Variants in CECR2 observed in about 807,000 individuals in gnomAD.
The protein encoded by CECR2 is CECR2 histone acetyl-lysine reader.
Under a neutral mutation model 154.5 loss-of-function variants are expected in CECR2, and 30 were observed. That is an observed-to-expected ratio of 0.19 (90% CI 0.15 to 0.26). The LOEUF is 0.26. Ranked by LOEUF, CECR2 falls within the 10% of genes least tolerant of loss-of-function variation. CECR2 has a pLI of 1.00. For synonymous variants in CECR2, 725 were observed against 683.7 expected, an observed-to-expected ratio of 1.06 and a Z score of -0.94; for missense variants, 1,743 against 1,829.3, an observed-to-expected ratio of 0.95 and a Z score of 0.86.
chr22:17,463,756 G>C (rs564606547), intron 1 of CECR2, among the ~76,000 whole-genome samples: 83 of 151,982 alleles, frequency 5.5e-4, no homozygotes, highest in African/African-American at 2.0e-3. Flanking sequence ...GAGGTGGGGG[G>C]GTGTAATGAG....
intron 1 of CECR2, among the ~76,000 whole-genome samples, chr22:17,422,518 C>G (rs923659995): frequency 6.6e-6 from 1 of 152,114 alleles, no homozygotes; most frequent in Non-Finnish European, 1.5e-5. Flanking sequence ...ATTTATTGTG[C>G]TTGGTGTTCT....
chr22:17,445,109 A>T (rs2054639418), intron 1 of CECR2, among the ~76,000 whole-genome samples: 1 of 152,224 alleles, frequency 6.6e-6, no homozygotes, highest in Admixed American at 6.5e-5. Context: ...TGGATTTGTT[A>T]GACTATTCAT....
At chr22:17,362,295 C>T (rs545271786) in intron 1 of CECR2, among the ~76,000 whole-genome samples, 36 of 152,242 alleles carry the variant, frequency 2.4e-4, no homozygotes, top group African/African-American at 5.5e-4. Flanking sequence ...CCACCTGCCT[C>T]GGCCTCCGAA....
At chr22:17,505,835 CTTTTTTTT>C (rs3994825) in intron 7 of CECR2, among the ~76,000 whole-genome samples, 1 of 84,552 alleles carries the variant, frequency 1.2e-5, no homozygotes, top group Non-Finnish European at 2.1e-5. Flanking sequence ...CTGCACCCGG[CTTTTTTTT>C]TTTTTTTTTT....
intron 1 of CECR2, among the ~76,000 whole-genome samples, chr22:17,405,945 G>A (rs2053977861): frequency 6.6e-6 from 1 of 152,166 alleles, no homozygotes; most frequent in Admixed American, 6.5e-5. Context: ...TAGAGAAAAA[G>A]CATTCAGGTC....
In CECR2 at chr22:17,549,704, C is replaced by T. The variant is rs146101594; in HGVS notation, c.4277+140C>T. The T allele has an allele frequency of 6.7e-4, 479 of 711,240 alleles. 3 individuals carry two copies. In the African/African-American group the frequency reaches 7.9e-3, roughly 12 times the overall value. 44.1% of individuals were successfully genotyped at this position (711,240 alleles called of 1,614,324 possible). ...CATGGCTCACGGCGGCATCGACCTC[C>T]CAGGCTCAAGGATCCTCCTGCATCA... On this transcript the variant is annotated intron_variant, in intron 17 of 18. Transcript: ENST00000262608.
intron 1 of CECR2, 145 bp downstream of exon 1, chr22:17,370,054 G>A (rs2063036420): frequency 6.6e-6 from 1 of 151,500 alleles, no homozygotes. Context: ...GGCGCAAAAG[G>A]GCAGGAGGGC....
chr22:17,532,265 A>T (rs2056367006), intron 9 of CECR2, among the ~76,000 whole-genome samples: 1 of 152,224 alleles, frequency 6.6e-6, no homozygotes. Flanking sequence ...GGCATAAAAT[A>T]GCAGAAATTT....
intron 1 of CECR2, among the ~76,000 whole-genome samples, chr22:17,362,875 C>G (rs916715400): frequency 7.1e-6 from 1 of 140,798 alleles, no homozygotes; most frequent in African/African-American, 2.7e-5. Flanking sequence ...GAACTCTAGC[C>G]TGGGCGACAG....
chr22:17,513,365 G>A (rs1273560229), intron 8 of CECR2, among the ~76,000 whole-genome samples: 3 of 152,286 alleles, frequency 2.0e-5, no homozygotes, highest in East Asian at 3.9e-4. Flanking sequence ...GAATTGTTAC[G>A]TTACGGAGCC....
At chr22:17,520,141 T>C (rs1327167534) in intron 8 of CECR2, among the ~76,000 whole-genome samples, 1 of 152,218 alleles carries the variant, frequency 6.6e-6, no homozygotes, top group Non-Finnish European at 1.5e-5. Flanking sequence ...GTAATTGGCT[T>C]GCATTTGCTC....
intron 1 of CECR2, among the ~76,000 whole-genome samples, chr22:17,430,816 A>G (rs949447499): frequency 1.3e-5 from 2 of 151,994 alleles, no homozygotes; most frequent in Non-Finnish European, 2.9e-5. Context: ...CTGGAAAACA[A>G]TTGCATTGGC....
At chr22:17,516,273 ATTTATTATAT>A (rs1283094061) in intron 8 of CECR2, among the ~76,000 whole-genome samples, 1 of 140,658 alleles carries the variant, frequency 7.1e-6, no homozygotes, top group African/African-American at 2.6e-5. Context: ...ACATATACAC[ATTTATTATAT>A]TATATGTGTA....
intron 2 of CECR2, among the ~76,000 whole-genome samples, chr22:17,485,271 C>T (rs1395282680): frequency 6.6e-6 from 1 of 152,186 alleles, no homozygotes; most frequent in Non-Finnish European, 1.5e-5. Context: ...TGAGACAGTA[C>T]AGATCTGTTT....
chr22:17,480,926 G>A (rs1350432187), intron 2 of CECR2, among the ~76,000 whole-genome samples: 1 of 151,714 alleles, frequency 6.6e-6, no homozygotes, highest in Non-Finnish European at 1.5e-5. Flanking sequence ...TGTAGTCCCA[G>A]CTACTCAGGA....
intron 1 of CECR2, among the ~76,000 whole-genome samples, chr22:17,373,225 G>C (rs1239803661): frequency 6.6e-6 from 1 of 152,022 alleles, no homozygotes; most frequent in Non-Finnish European, 1.5e-5. Context: ...AGCACACCCG[G>C]CTAATTTTTG....
upstream of CECR2, among the ~76,000 whole-genome samples, chr22:17,365,825 A>G (rs1337570252): frequency 1.4e-4 from 21 of 151,948 alleles, no homozygotes; most frequent in Admixed American, 1.4e-3. Context: ...GCACCACTCC[A>G]CTGCAGCCTG....
chr22:17,375,686 T>C (rs2063110487), intron 1 of CECR2, among the ~76,000 whole-genome samples: 1 of 152,030 alleles, frequency 6.6e-6, no homozygotes, highest in African/African-American at 2.4e-5. Context: ...TTGTCGCTGG[T>C]GGCTCACGCC....
intron 2 of CECR2, among the ~76,000 whole-genome samples, chr22:17,491,807 C>A (rs958488232): frequency 1.3e-5 from 2 of 152,086 alleles, no homozygotes; most frequent in Non-Finnish European, 2.9e-5. Context: ...CATAAACATT[C>A]ATAAACACAT....
Sources: gnomAD v4.1 joint callset for allele counts (sites outside exome capture counted in the v4.1 genomes callset) on GRCh38, gnomAD v4.1.1 for gene constraint, MANE v1.5 for transcripts, NCBI Gene and HGNC (gene_info 2026-07-23, HGNC 2026-07-21) for gene names.